The following SLC22A23 variants were observed in gnomAD, a reference collection of about 807,000 sequenced individuals.
The protein encoded by SLC22A23 is ion transporter protein.
A neutral mutation model predicts 61.0 loss-of-function variants in SLC22A23; 26 were observed. The ratio of observed to expected loss-of-function variants is 0.43; its 90% CI spans 0.31 to 0.59. The LOEUF is 0.59. Among genes scored for constraint, SLC22A23 ranks in the 20% least tolerant of loss-of-function variants. The probability of loss-of-function intolerance (pLI) is 0.11; values close to 1 mark genes in which losing one functional copy is unlikely to be tolerated. For missense variants in SLC22A23, 796 were observed against 934.7 expected (o/e 0.85, Z 1.94); for synonymous variants, 430 against 413.9 (o/e 1.04, Z -0.47).
chr6:3,357,761 C>A (rs1300685657), intron 3 of SLC22A23, among the ~76,000 whole-genome samples: 1 of 152,108 alleles, frequency 6.6e-6, no homozygotes, highest in East Asian at 1.9e-4. Flanking sequence ...TAGCACCATG[C>A]CAGGGGAGAT....
intron 3 of SLC22A23, among the ~76,000 whole-genome samples, chr6:3,370,665 CACGATG>C (rs1371784860): frequency 6.6e-6 from 1 of 152,266 alleles, no homozygotes; most frequent in Admixed American, 6.5e-5. Flanking sequence ...AGCAAGTCCT[CACGATG>C]ACCTTCAGTG....
At chr6:3,293,184 A>C (rs569102559) in intron 5 of SLC22A23, among the ~76,000 whole-genome samples, 1 of 152,304 alleles carries the variant, frequency 6.6e-6, no homozygotes, top group South Asian at 2.1e-4. Context: ...TTAGGGGTGA[A>C]ATTGGAAAAA....
intron 3 of SLC22A23, among the ~76,000 whole-genome samples, chr6:3,403,559 T>C (rs1355239669): frequency 6.6e-6 from 1 of 152,112 alleles, no homozygotes; most frequent in Non-Finnish European, 1.5e-5. Flanking sequence ...CCAGCTCACT[T>C]TATAGATCGG....
At chr6:3,405,824 C>T (rs529142791) in intron 3 of SLC22A23, among the ~76,000 whole-genome samples, 1 of 152,176 alleles carries the variant, frequency 6.6e-6, no homozygotes, top group Non-Finnish European at 1.5e-5. Flanking sequence ...CAGCACCCCA[C>T]CCAGAGCAAA....
At chr6:3,321,861 G>A (rs1328717706) in intron 4 of SLC22A23, among the ~76,000 whole-genome samples, 2 of 152,220 alleles carry the variant, frequency 1.3e-5, no homozygotes, top group African/African-American at 4.8e-5. Flanking sequence ...TGCTGGGGTA[G>A]GGACATGAGA....
At chr6:3,455,837 C>G (rs1431771762) in intron 1 of SLC22A23, 69 bp downstream of exon 1, 1 of 1,442,184 alleles carries the variant, frequency 6.9e-7, no homozygotes, top group African/African-American at 1.4e-5. Flanking sequence ...TCGGTTCTCC[C>G]GCTGGCTCGG....
rs61618699 is a variant in SLC22A23, at chr6:3,424,558, G to A, written c.655-8703C>T. On this transcript the variant is annotated intron_variant, in intron 1 of 9. Transcript: ENST00000406686. ...TTGAGGGGTATCCTCTCCCAAGACCGGATCAGGAGATCTGTGCCTCTGAAG... is the reference window on the plus strand; with the variant it reads ...TTGAGGGGTATCCTCTCCCAAGACCAGATCAGGAGATCTGTGCCTCTGAAG... Among the ~76,000 whole-genome samples the A allele has an allele frequency of 5.5e-3, 838 of 152,240 alleles. 10 individuals carry two copies. Among genetic ancestry groups the A allele is most frequent in the African/African-American group, 0.019 (805 of 41,534 alleles).
At chr6:3,274,090 C>A (rs1758680863) in intron 9 of SLC22A23, among the ~76,000 whole-genome samples, 1 of 152,176 alleles carries the variant, frequency 6.6e-6, no homozygotes, top group African/African-American at 2.4e-5. Flanking sequence ...CTCAGGATAA[C>A]CAAAGTCCAG....
chr6:3,363,464 G>C (rs1002838287), intron 3 of SLC22A23, among the ~76,000 whole-genome samples: 1 of 152,244 alleles, frequency 6.6e-6, no homozygotes, highest in Non-Finnish European at 1.5e-5. Context: ...GAGAAGGGGA[G>C]GGGATGGAAA....
intron 3 of SLC22A23, among the ~76,000 whole-genome samples, chr6:3,409,249 A>ATCT (rs1769043087): frequency 6.6e-6 from 1 of 152,254 alleles, no homozygotes; most frequent in South Asian, 2.1e-4. Context: ...GATCTAGAAG[A>ATCT]ATATACCGGT....
intron 1 of SLC22A23, 90 bp downstream of exon 1, chr6:3,455,816 C>CTT: frequency 7.0e-7 from 1 of 1,419,746 alleles, no homozygotes; most frequent in Non-Finnish European, 9.3e-7. Context: ...AGCACCACCA[C>CTT]TTTGGGGACT....
At chr6:3,355,170 G>A (rs1337702039) in intron 3 of SLC22A23, among the ~76,000 whole-genome samples, 1 of 149,616 alleles carries the variant, frequency 6.7e-6, no homozygotes, top group African/African-American at 2.5e-5. Flanking sequence ...CTTTGTGGCC[G>A]CCACCCTCCC....
At position 3,328,717 on chromosome 6, in the gene SLC22A23, T is replaced by C. The variant is rs972872480; in HGVS notation, c.914-4715A>G. Among the ~76,000 whole-genome samples, 1 of 152,132 alleles carries C rather than the reference T, an allele frequency of 6.6e-6. No individual in the cohort carries two copies. The highest frequency in any genetic ancestry group is 2.4e-5 in the African/African-American group (1 of 41,436). Reference sequence around the variant, plus strand: ...GGCTGGCCCTCCCGCTGGCCCCTCATGGATGTCAGCCTGGCCACCCCTCAC... The same window carrying C: ...GGCTGGCCCTCCCGCTGGCCCCTCACGGATGTCAGCCTGGCCACCCCTCAC... On this transcript the variant is annotated intron_variant, in intron 3 of 9. Coordinates refer to ENST00000406686, the MANE Select transcript of SLC22A23 (RefSeq NM_015482.2). This position sits in a 1 kb window ranked among gnomAD's most constrained non-coding sequence, Gnocchi z 5.0.
intron 3 of SLC22A23, among the ~76,000 whole-genome samples, chr6:3,331,544 A>G (rs538427950): frequency 6.6e-6 from 1 of 152,310 alleles, no homozygotes; most frequent in South Asian, 2.1e-4. Context: ...TTATATGTGG[A>G]TAATAATTTG....
At chr6:3,398,454 ATTTTTT>A (rs1219591163) in intron 3 of SLC22A23, among the ~76,000 whole-genome samples, 1 of 127,248 alleles carries the variant, frequency 7.9e-6, no homozygotes, top group Non-Finnish European at 1.7e-5. Context: ...ACAAAGCACT[ATTTTTT>A]TTTTTTTTTT....
rs572660899 is a variant in SLC22A23 at position 3,456,083 on chromosome 6, G to A, written c.477C>T (p.Pro159=). The change falls in exon 1 of 10, where the codon CCC becomes CCT. Residue 159 remains proline (P), a synonymous_variant. Transcript: ENST00000406686. This position sits in a 1 kb window ranked among gnomAD's most constrained non-coding sequence, Gnocchi z 7.1. ...CAGCCTCCCAGGGGGCAGTGGCGAA[G>A]GGGGTGGTGGGGAGGCTGGTCCAGT... The part of the protein sequence containing the change: ...MGNWTSLPTT[P]FATAPWEAAG... The A allele has an allele frequency of 4.5e-6, 7 of 1,550,216 alleles. No individual in the cohort carries two copies. In the East Asian group the frequency reaches 1.2e-4, roughly 27 times the overall value.
chr6:3,444,311 T>C (rs1016361950), intron 1 of SLC22A23, among the ~76,000 whole-genome samples: 2 of 152,044 alleles, frequency 1.3e-5, no homozygotes, highest in Non-Finnish European at 2.9e-5. Context: ...AAGATTAAGG[T>C]TTCTACAATA....
chr6:3,416,980 C>T (rs1250466446), intron 1 of SLC22A23, among the ~76,000 whole-genome samples: 1 of 152,156 alleles, frequency 6.6e-6, no homozygotes, highest in East Asian at 1.9e-4. Flanking sequence ...CCCCCCGCCC[C>T]TTGTCTCTAT....
chr6:3,276,133 G>A (rs1758879078), intron 9 of SLC22A23, among the ~76,000 whole-genome samples: 1 of 152,126 alleles, frequency 6.6e-6, no homozygotes, highest in Admixed American at 6.5e-5. Flanking sequence ...GTGTGTTGGG[G>A]GCTTTTGTCC....
Sources: gnomAD v4.1 joint callset for allele counts (sites outside exome capture counted in the v4.1 genomes callset) on GRCh38, gnomAD v4.1.1 for gene constraint, Gnocchi (gnomAD v3.1) non-coding constraint, MANE v1.5 for transcripts, NCBI Gene and HGNC (gene_info 2026-07-23, HGNC 2026-07-21) for gene names.